Variants in NEBL observed in about 807,000 individuals in gnomAD.
The protein encoded by NEBL is nebulette.
A neutral mutation model predicts 140.2 loss-of-function variants in NEBL; 122 were observed. That is an observed-to-expected ratio of 0.87 (90% CI 0.75 to 1.01). NEBL has a LOEUF of 1.01. Among genes scored for constraint, NEBL ranks in the 50% least tolerant of loss-of-function variants. The pLI is 0.00. For synonymous variants in NEBL, 436 were observed against 398.9 expected (o/e 1.09, Z -1.11); for missense variants, 1,365 against 1,231.3 (o/e 1.11, Z -1.62).
intron 17 of NEBL, among the ~76,000 whole-genome samples, chr10:20,827,233 C>T (rs1412608717): frequency 2.6e-5 from 4 of 152,132 alleles, no homozygotes; most frequent in African/African-American, 9.7e-5. Flanking sequence ...TTTGGTAATC[C>T]AGTGGCCCCC....
chr10:21,139,937 G>T (rs924771370), intron 2 of NEBL, among the ~76,000 whole-genome samples: 17 of 150,070 alleles, frequency 1.1e-4, no homozygotes, highest in African/African-American at 4.2e-4. Context: ...GATCACTTGA[G>T]GCCAGGAGTT....
chr10:21,292,718 A>C (rs1355071881), intron 1 of NEBL, among the ~76,000 whole-genome samples: 3 of 152,236 alleles, frequency 2.0e-5, no homozygotes, highest in Non-Finnish European at 2.9e-5. Flanking sequence ...AAAACGATGA[A>C]GGTATCTATC....
At position 20,784,071 on chromosome 10, in the gene NEBL, A is replaced by G. The variant is rs2131607610; in HGVS notation, c.*1676T>C. 6.6e-6 allele frequency: 1 copy of G among 152,350 alleles called. No homozygotes were observed. Among genetic ancestry groups the G allele is most frequent in the South Asian group, 2.1e-4 (1 of 4,826 alleles). The allele number at this position is 152,350 out of a possible 1,614,324, so 9.4% of individuals were successfully genotyped here. A position where few individuals can be genotyped will look rare whatever the true frequency, so the allele number is the denominator to read the frequency against. On this transcript the variant is annotated 3_prime_UTR_variant, in exon 28 of 28. Transcript: ENST00000377122. The stretch of plus-strand genomic sequence containing the variant: ...AATTAGCTTTGGCCTTTGGACTAGT[A>G]AACGTTTCCTTAAACGATGTTTTAC...
At chr10:21,256,072 A>C (rs1346888740) in intron 1 of NEBL, among the ~76,000 whole-genome samples, 1 of 151,858 alleles carries the variant, frequency 6.6e-6, no homozygotes, top group African/African-American at 2.4e-5. Flanking sequence ...ATTTATTTTT[A>C]TGTCCCTGTT....
chr10:20,790,634 A>T (rs929582557), intron 26 of NEBL, among the ~76,000 whole-genome samples: 1 of 151,982 alleles, frequency 6.6e-6, no homozygotes, highest in Admixed American at 6.6e-5. Flanking sequence ...AAACAAAAAA[A>T]CAAAGACAAA....
At chr10:20,844,792 G>A (rs1841750230) in intron 12 of NEBL, among the ~76,000 whole-genome samples, 1 of 152,008 alleles carries the variant, frequency 6.6e-6, no homozygotes, top group African/African-American at 2.4e-5. Context: ...GATATCAAAT[G>A]TCAAGAAAGG....
intron 4 of NEBL, among the ~76,000 whole-genome samples, chr10:20,932,410 G>T (rs1173191888): frequency 6.6e-6 from 1 of 152,008 alleles, no homozygotes; most frequent in Non-Finnish European, 1.5e-5. Context: ...CACACACCAG[G>T]GCCTGGGGCT....
chr10:21,171,249 C>T (rs1232191044), intron 2 of NEBL, among the ~76,000 whole-genome samples: 2 of 150,642 alleles, frequency 1.3e-5, no homozygotes, highest in East Asian at 1.9e-4. Flanking sequence ...GCAGAAGAAT[C>T]GCTTGAACCT....
chr10:21,157,355 A>C (rs914045359), intron 2 of NEBL, among the ~76,000 whole-genome samples: 1 of 152,140 alleles, frequency 6.6e-6, no homozygotes, highest in African/African-American at 2.4e-5. Context: ...GGATCACGTG[A>C]GATCAGGAGT....
chr10:21,257,810 A>G (rs751779906), intron 1 of NEBL, among the ~76,000 whole-genome samples: 2 of 151,912 alleles, frequency 1.3e-5, no homozygotes, highest in African/African-American at 2.4e-5. Flanking sequence ...GCGTGAAACC[A>G]GGAGGTGGAG....
At position 20,831,484 on chromosome 10, in the gene NEBL, T is replaced by A. The variant is rs1430856878; in HGVS notation, c.1549A>T (p.Met517Leu). The change falls in exon 15 of 28, where the codon ATG (methionine) becomes TTG (leucine). Residue 517 changes from methionine to leucine, a missense_variant. Met to Leu is a conservative substitution (Grantham distance 15). Around this residue, in one of 2 missense-constraint regions of NEBL, gnomAD observed 1,323 missense variants for 1,154.8 expected, o/e 1.15. Transcript: ENST00000377122. ...TGCTGCTGTCTTACCTGGCTGGCCA[T>A]CTCGGATGCTTTCTTAGCTCTCTGG... ...DVQRAKKASEMASQKQYKKDL... is the reference protein window; with the variant it reads ...DVQRAKKASELASQKQYKKDL... 1.2e-6 allele frequency: 2 copies of A among 1,609,134 alleles called. No homozygotes were observed. Among genetic ancestry groups the A allele is most frequent in the Non-Finnish European group, 1.7e-6 (2 of 1,176,396 alleles).
intron 14 of NEBL, among the ~76,000 whole-genome samples, chr10:20,832,250 C>G (rs981542997): frequency 2.0e-5 from 3 of 152,216 alleles, no homozygotes; most frequent in Non-Finnish European, 4.4e-5. Flanking sequence ...AGAATTGGTT[C>G]TGGGATGCAT....
intron 3 of NEBL, among the ~76,000 whole-genome samples, chr10:21,018,079 C>T (rs947109825): frequency 6.6e-6 from 1 of 152,182 alleles, no homozygotes; most frequent in Non-Finnish European, 1.5e-5. Flanking sequence ...ACCTCGGCCT[C>T]CCAAAGTGCT....
intron 2 of NEBL, among the ~76,000 whole-genome samples, chr10:21,075,635 G>C (rs757432469): frequency 6.6e-6 from 1 of 152,170 alleles, no homozygotes; most frequent in Non-Finnish European, 1.5e-5. Flanking sequence ...GATCTGTCTA[G>C]AGGGAGGCCC....
intron 4 of NEBL, among the ~76,000 whole-genome samples, chr10:20,947,364 A>G (rs987487968): frequency 3.3e-5 from 5 of 152,162 alleles, no homozygotes; most frequent in African/African-American, 1.2e-4. Context: ...TGGCTAGAAC[A>G]GCAAAACATA....
At chr10:20,874,790 A>C (rs1238609171) in intron 5 of NEBL, among the ~76,000 whole-genome samples, 1 of 152,172 alleles carries the variant, frequency 6.6e-6, no homozygotes, top group African/African-American at 2.4e-5. Context: ...CCCAGGCTGA[A>C]GTGCAGTGGC....
chr10:21,257,292 C>T (rs1842670854), intron 1 of NEBL, among the ~76,000 whole-genome samples: 1 of 152,162 alleles, frequency 6.6e-6, no homozygotes, highest in African/African-American at 2.4e-5. Context: ...ATCTTCACTG[C>T]CACTTACGAG....
chr10:20,935,194 G>A (rs557933365), intron 4 of NEBL, among the ~76,000 whole-genome samples: 1 of 152,128 alleles, frequency 6.6e-6, no homozygotes, highest in Non-Finnish European at 1.5e-5. Flanking sequence ...TCACCCCGAG[G>A]AAGCATCCAC....
At chr10:21,242,792 G>T (rs1359261883) in intron 3 of NEBL, among the ~76,000 whole-genome samples, 1 of 152,072 alleles carries the variant, frequency 6.6e-6, no homozygotes, top group Non-Finnish European at 1.5e-5. Flanking sequence ...AGCTAGGACT[G>T]GAAAAAGAGC....
Sources: gnomAD v4.1 joint callset for allele counts (sites outside exome capture counted in the v4.1 genomes callset) on GRCh38, gnomAD v4.1.1 for gene constraint, gnomAD v4.1.1 regional missense constraint, MANE v1.5 for transcripts, NCBI Gene and HGNC (gene_info 2026-07-23, HGNC 2026-07-21) for gene names.